Variants in GRIN1 observed in about 807,000 individuals in gnomAD.
The protein encoded by GRIN1 is glutamate ionotropic receptor NMDA type subunit 1.
In GRIN1, 38 loss-of-function variants were observed where a neutral mutation model predicts 103.0. That is an observed-to-expected ratio of 0.37 (90% CI 0.28 to 0.48). GRIN1 has a LOEUF of 0.48. Among genes scored for constraint, GRIN1 ranks in the 20% least tolerant of loss-of-function variants. The probability of loss-of-function intolerance (pLI) is 0.98; values close to 1 mark genes in which losing one functional copy is unlikely to be tolerated. For missense variants in GRIN1, 577 were observed against 1,288.9 expected, an observed-to-expected ratio of 0.45 and a Z score of 8.46; for synonymous variants, 544 against 532.7, an observed-to-expected ratio of 1.02 and a Z score of -0.29.
Position 137,163,157 on chromosome 9 carries a change from C to T in GRIN1, c.2172-12C>T, listed in dbSNP as rs775639156. ...AGGACCAAGGCCCCCGTGACTCCGC[C>T]TCTGCCGGCAGCAAGCTGCATGCCT... On this transcript the variant is annotated splice_polypyrimidine_tract_variant and intron_variant, in intron 15 of 19. Transcript: ENST00000371561. The T allele has an allele frequency of 1.9e-6, 3 of 1,612,472 alleles. No homozygotes were observed. In the South Asian group the frequency reaches 3.3e-5, roughly 18 times the overall value.
rs753259027 is a variant in GRIN1 at position 137,167,849 on chromosome 9, C to T, written c.*322C>T. 27 of 1,611,052 alleles carry T rather than the reference C, an allele frequency of 1.7e-5. No homozygotes were observed. The highest frequency in any genetic ancestry group is 8.8e-5 in the South Asian group (8 of 91,080). On this transcript the variant is annotated 3_prime_UTR_variant, in exon 20 of 20. Transcript: ENST00000371561. ...GGTCAGCACCGTGGTGTGAGGCCCC[C>T]GGAGGCGCCCACCTGCCCAGTTAGC...
rs974552016 is a variant in GRIN1 at position 137,167,576 on chromosome 9, A to G, written c.*49A>G. On this transcript the variant is annotated 3_prime_UTR_variant, in exon 20 of 20. Transcript: ENST00000371561. ...CCCCCTCCCCCGCAGACAGACAGAC[A>G]GACGGACGGGACAGCGGCCCGGCCC... The G allele has an allele frequency of 2.0e-5, 31 of 1,514,856 alleles. 1 individual carries two copies. The highest frequency in any genetic ancestry group is 5.6e-5 in the African/African-American group (4 of 71,030). The allele number at this position is 1,514,856 out of a possible 1,614,324, so 93.8% of individuals were successfully genotyped here.
At position 137,168,080 on chromosome 9, in the gene GRIN1, C is replaced by G. The variant is rs1833973892; in HGVS notation, c.*553C>G. 1.7e-6 allele frequency: 1 copy of G among 591,460 alleles called. No individual in the cohort carries two copies. Among genetic ancestry groups the G allele is most frequent in the Non-Finnish European group, 3.0e-6 (1 of 333,246 alleles). 36.6% of individuals were successfully genotyped at this position (591,460 alleles called of 1,614,324 possible). On this transcript the variant is annotated 3_prime_UTR_variant, in exon 20 of 20. Transcript: ENST00000371561. ...GGCTGGGCAGGGCCGCAGGGCGCTC[C>G]GGCAGAGGCAGGGCCCTGGGGTCTC...
rs771955438 is a variant in GRIN1 at position 137,145,919 on chromosome 9, C to T, written c.570+17C>T. 6 of 1,575,012 alleles carry T rather than the reference C, an allele frequency of 3.8e-6. No homozygotes were observed. Among genetic ancestry groups the T allele is most frequent in the African/African-American group, 1.3e-5 (1 of 74,220 alleles). ...GAGTCCAAGGTGAGGGTCGGCGCCG[C>T]GGGTGGGCGCCTGGCGGAGCCGAGG... On this transcript the variant is annotated intron_variant, in intron 3 of 19. Coordinates refer to ENST00000371561, the MANE Select transcript of GRIN1 (RefSeq NM_007327.4).
intron 17 of GRIN1, 31 bp downstream of exon 17, chr9:137,163,699 G>A (rs1833693269): frequency 6.2e-7 from 1 of 1,613,262 alleles, no homozygotes; most frequent in Non-Finnish European, 8.5e-7. Flanking sequence ...TCTCGGGTGG[G>A]TTCTCCGTGG....
In GRIN1 at chr9:137,167,661, T is replaced by C; in HGVS notation, c.*134T>C. 2.0e-6 allele frequency: 3 copies of C among 1,520,566 alleles called. No individual in the cohort carries two copies. The highest frequency in any genetic ancestry group is 1.7e-4 in the Middle Eastern group (1 of 5,790). The allele number at this position is 1,520,566 out of a possible 1,614,324, so 94.2% of individuals were successfully genotyped here. ...GGAGCACCCCCAGCCTCCCCCAGGC[T>C]GCGCCTGCCCGCCCGCCGGTTGGCC... On this transcript the variant is annotated 3_prime_UTR_variant, in exon 20 of 20. Transcript: ENST00000371561.
chr9:137,144,442 C>G (rs1832355165), intron 2 of GRIN1, among the ~76,000 whole-genome samples: 1 of 151,640 alleles, frequency 6.6e-6, no homozygotes, highest in Non-Finnish European at 1.5e-5. Flanking sequence ...ATCACGAGGT[C>G]AGGAGATCGA....
intron 1 of GRIN1, 99 bp from the exon 2 acceptor site, chr9:137,141,914 G>C: frequency 1.0e-5 from 13 of 1,293,604 alleles, no homozygotes; most frequent in Non-Finnish European, 1.5e-5. Flanking sequence ...GCCCCCCTTA[G>C]CCTGCTGGGT....
Position 137,162,124 on chromosome 9 carries a change from G to A in GRIN1, c.1632+36G>A, listed in dbSNP as rs766369476. 1.8e-5 allele frequency: 28 copies of A among 1,530,130 alleles called. No homozygotes were observed. In the East Asian group the frequency reaches 2.0e-4, roughly 11 times the overall value. 94.8% of individuals were successfully genotyped at this position (1,530,130 alleles called of 1,614,324 possible). A position where few individuals can be genotyped will look rare whatever the true frequency, so the allele number is the denominator to read the frequency against. On this transcript the variant is annotated intron_variant, in intron 11 of 19. Coordinates refer to ENST00000371561, the MANE Select transcript of GRIN1 (RefSeq NM_007327.4). ...GCCGGGTGGCGGGGTGGCGGCGGGG[G>A]GAGTCCCTGGAGGGCCCGGGCCGCG...
chr9:137,150,917 CGAAAGCCTCGCCCAGG>C (rs1467477770), intron 4 of GRIN1, among the ~76,000 whole-genome samples: 45 of 85,332 alleles, frequency 5.3e-4, no homozygotes, highest in African/African-American at 2.0e-3. Context: ...CCCTGCCCAG[CGAAAGCCTCGCCCAGG>C]GAAAGCCCCA....
Position 137,158,394 on chromosome 9 carries a change from C to T in GRIN1, c.984C>T (p.Ser328=). 1.2e-6 allele frequency: 2 copies of T among 1,613,500 alleles called. No homozygotes were observed. Among genetic ancestry groups the T allele is most frequent in the Non-Finnish European group, 8.5e-7 (1 of 1,179,994 alleles). ...GPLFKRVLMS[S]KYADGVTGRV... Reference sequence around the variant, plus strand: ...CCTTCCCTAGAGTGCTGATGTCTTCCAAGTATGCGGATGGGGTGACTGGTC... The same window carrying T: ...CCTTCCCTAGAGTGCTGATGTCTTCTAAGTATGCGGATGGGGTGACTGGTC... The change falls in exon 7 of 20, where the codon TCC becomes TCT. Residue 328 remains serine, a synonymous_variant. Coordinates refer to ENST00000371561, the MANE Select transcript of GRIN1 (RefSeq NM_007327.4).
chr9:137,167,753 CTGTG>C lies in GRIN1; in HGVS notation c.*228_*231del, dbSNP rs1440387846. On this transcript the variant is annotated 3_prime_UTR_variant, in exon 20 of 20. Transcript: ENST00000371561. ...AGCGTGGGGCTAACGGGCGCCTTGTCTGTGTATTTCTATTTTGCAGCAGTACCAT... is the reference window on the plus strand; with the variant it reads ...AGCGTGGGGCTAACGGGCGCCTTGTCTATTTCTATTTTGCAGCAGTACCAT... 2.5e-6 allele frequency: 4 copies of C among 1,611,446 alleles called. No individual in the cohort carries two copies. The African/African-American group carries it at 4.0e-5, about 16-fold the overall frequency.
At chr9:137,156,033 A>T (rs906624423) in intron 4 of GRIN1, among the ~76,000 whole-genome samples, 1 of 152,202 alleles carries the variant, frequency 6.6e-6, no homozygotes, top group African/African-American at 2.4e-5. Flanking sequence ...AGAGGACCAG[A>T]GGGGTGTGGC....
intron 3 of GRIN1, among the ~76,000 whole-genome samples, chr9:137,147,676 C>T (rs908787173): frequency 6.6e-6 from 1 of 152,246 alleles, no homozygotes; most frequent in African/African-American, 2.4e-5. Context: ...CGTGGGCACC[C>T]CAGTTAGTGA....
At chr9:137,148,033 T>G in intron 3 of GRIN1, 19 of 569,200 alleles carry the variant, frequency 3.3e-5, no homozygotes, top group East Asian at 7.6e-5. Flanking sequence ...GAGCTCCAGG[T>G]AGGAGCCCGT....
chr9:137,161,208 G>A lies in GRIN1; in HGVS notation c.1339+11G>A, dbSNP rs774512613. 11 of 1,606,296 alleles carry A rather than the reference G, an allele frequency of 6.8e-6. No homozygotes were observed. The highest frequency in any genetic ancestry group is 1.1e-5 in the South Asian group (1 of 90,656). ...CGTCGCCGGGCAGCCGTGAGTGCGC[G>A]GGGCAGGGCGCGGGGCGCGGGGCAG... On this transcript the variant is annotated intron_variant, in intron 9 of 19. Transcript: ENST00000371561.
chr9:137,152,000 G>C (rs1244508403), intron 4 of GRIN1, among the ~76,000 whole-genome samples: 1 of 140,572 alleles, frequency 7.1e-6, no homozygotes, highest in Non-Finnish European at 1.5e-5. Flanking sequence ...TCCACCTCCC[G>C]GGCTCACGCC....
In GRIN1 at chr9:137,162,103, G is replaced by C; in HGVS notation, c.1632+15G>C. 1 of 1,519,116 alleles carries C rather than the reference G, an allele frequency of 6.6e-7. No homozygotes were observed. The highest frequency in any genetic ancestry group is 1.2e-5 in the South Asian group (1 of 83,614). The allele number at this position is 1,519,116 out of a possible 1,614,324, so 94.1% of individuals were successfully genotyped here. A position where few individuals can be genotyped will look rare whatever the true frequency, so the allele number is the denominator to read the frequency against. On this transcript the variant is annotated intron_variant, in intron 11 of 19. Transcript: ENST00000371561. ...TGGTCAAGAAGGTGGGCAGGGGCCG[G>C]GTGGCGGGGTGGCGGCGGGGGGAGT...
In GRIN1 at chr9:137,147,279, G is replaced by A. The variant is rs141961562; in HGVS notation, c.570+1377G>A. Among the ~76,000 whole-genome samples, 175 of 151,868 alleles carry A rather than the reference G, an allele frequency of 1.2e-3. 1 individual carries two copies. In the East Asian group the frequency reaches 0.021, roughly 18 times the overall value. Reference sequence around the variant, plus strand: ...CACACACCTGGACACGTACTCAGGTGCGCTCCTCACACACACACCTGGACA... The same window carrying A: ...CACACACCTGGACACGTACTCAGGTACGCTCCTCACACACACACCTGGACA... On this transcript the variant is annotated intron_variant, in intron 3 of 19. Transcript: ENST00000371561.
Sources: gnomAD v4.1 joint callset for allele counts (sites outside exome capture counted in the v4.1 genomes callset) on GRCh38, gnomAD v4.1.1 for gene constraint, MANE v1.5 for transcripts, NCBI Gene and HGNC (gene_info 2026-07-23, HGNC 2026-07-21) for gene names.